CADM2: variants seen among roughly 807,000 people sequenced by gnomAD.
CADM2 encodes the protein immunoglobulin superfamily member 4D.
Under a neutral mutation model 49.8 loss-of-function variants are expected in CADM2, and 12 were observed. The observed-to-expected ratio is 0.24, with a 90% confidence interval of 0.15 to 0.39. The LOEUF is 0.39. CADM2 is among the 10% of genes least tolerant of loss of function. The probability of loss-of-function intolerance (pLI) is 1.00; values close to 1 mark genes in which losing one functional copy is unlikely to be tolerated. For synonymous variants in CADM2, 214 were observed against 175.4 expected, an observed-to-expected ratio of 1.22 and a Z score of -1.74; for missense variants, 378 against 492.3, an observed-to-expected ratio of 0.77 and a Z score of 2.20.
intron 8 of CADM2, among the ~76,000 whole-genome samples, chr3:86,024,835 C>G (rs1221046668): frequency 6.6e-6 from 1 of 151,680 alleles, no homozygotes; most frequent in East Asian, 1.9e-4. Context: ...TATTAAGCTC[C>G]ACTAGGATCT....
At chr3:85,526,542 G>A (rs916564306) in intron 1 of CADM2, among the ~76,000 whole-genome samples, 1 of 152,104 alleles carries the variant, frequency 6.6e-6, no homozygotes, top group South Asian at 2.1e-4. Context: ...AGATGACCTG[G>A]ATTAAAATCC....
chr3:85,159,977 G>A (rs1006981152), intron 1 of CADM2, among the ~76,000 whole-genome samples: 1 of 151,764 alleles, frequency 6.6e-6, no homozygotes, highest in Non-Finnish European at 1.5e-5. Flanking sequence ...AGCAATATAA[G>A]TTTGTTTTTA....
intron 1 of CADM2, among the ~76,000 whole-genome samples, chr3:85,606,833 A>T (rs2063552421): frequency 6.6e-6 from 1 of 152,060 alleles, no homozygotes; most frequent in Non-Finnish European, 1.5e-5. Flanking sequence ...AATACTGTCA[A>T]TTTGAGCTAC....
intron 8 of CADM2, among the ~76,000 whole-genome samples, chr3:86,037,325 T>C (rs1578021308): frequency 6.6e-6 from 1 of 152,316 alleles, no homozygotes; most frequent in East Asian, 1.9e-4. Context: ...TTGGCAATAC[T>C]TATTACAGCC....
intron 1 of CADM2, among the ~76,000 whole-genome samples, chr3:85,641,999 C>T (rs1220185227): frequency 2.6e-5 from 4 of 152,042 alleles, no homozygotes; most frequent in Admixed American, 6.6e-5. Flanking sequence ...AGTTCTCAGG[C>T]TTTCCATCTC....
chr3:85,000,994 T>G (rs1288152693), intron 1 of CADM2, among the ~76,000 whole-genome samples: 2 of 152,136 alleles, frequency 1.3e-5, no homozygotes, highest in Non-Finnish European at 2.9e-5. Context: ...TCTCTTTACC[T>G]TCCACCTGTT....
At chr3:85,780,560 A>G (rs1020655143) in intron 2 of CADM2, among the ~76,000 whole-genome samples, 3 of 152,186 alleles carry the variant, frequency 2.0e-5, no homozygotes, top group African/African-American at 7.2e-5. Flanking sequence ...TACGCTTAGT[A>G]TCTTCATTTG....
Position 85,321,136 on chromosome 3 carries a change from T to A in CADM2, c.61+361468T>A, listed in dbSNP as rs1468138106. 6.1e-3 allele frequency among the ~76,000 whole-genome samples: 159 copies of A among 25,890 alleles called. 8 individuals are homozygous for A. The highest frequency in any genetic ancestry group is 8.3e-3 in the Non-Finnish European group (120 of 14,532). The allele number at this position is 25,890 out of a possible 152,430, so 17.0% of individuals were successfully genotyped here. A position where few individuals can be genotyped will look rare whatever the true frequency, so the allele number is the denominator to read the frequency against. On this transcript the variant is annotated intron_variant, in intron 1 of 9. Coordinates refer to ENST00000383699, the MANE Select transcript of CADM2 (RefSeq NM_001167675.2). ...TATATATTTTTTTTTTTTTTTTTTTTTTTTTTTTTTTTTTTTTTTTTTTTT... is the reference window on the plus strand; with the variant it reads ...TATATATTTTTTTTTTTTTTTTTTTATTTTTTTTTTTTTTTTTTTTTTTTT...
At chr3:85,615,750 G>T (rs2063786274) in intron 1 of CADM2, among the ~76,000 whole-genome samples, 1 of 151,662 alleles carries the variant, frequency 6.6e-6, no homozygotes, top group African/African-American at 2.4e-5. Context: ...ACATGATGCT[G>T]CCCTATAGAT....
Position 85,382,099 on chromosome 3 carries a change from G to T in CADM2, c.62-344423G>T, listed in dbSNP as rs532600472. On this transcript the variant is annotated intron_variant, in intron 1 of 9. Coordinates refer to ENST00000383699, the MANE Select transcript of CADM2 (RefSeq NM_001167675.2). Reference sequence around the variant, plus strand: ...ACTATCAAATAATTATTGTATAATTGTACACATCCTTGGAGACTTACTGCA... The same window carrying T: ...ACTATCAAATAATTATTGTATAATTTTACACATCCTTGGAGACTTACTGCA... 1.1e-4 allele frequency among the ~76,000 whole-genome samples: 17 copies of T among 151,912 alleles called. No individual in the cohort carries two copies. The South Asian group carries it at 3.3e-3, about 30-fold the overall frequency.
At chr3:85,157,412 A>G (rs2040164699) in intron 1 of CADM2, among the ~76,000 whole-genome samples, 1 of 152,102 alleles carries the variant, frequency 6.6e-6, no homozygotes, top group Admixed American at 6.6e-5. Context: ...ACAAAGCTGG[A>G]GGCATCACAC....
intron 6 of CADM2, among the ~76,000 whole-genome samples, chr3:85,931,170 C>T (rs773798839): frequency 1.1e-4 from 16 of 151,496 alleles, no homozygotes; most frequent in South Asian, 2.1e-4. Flanking sequence ...GCCAGGAGTT[C>T]GAGACCAGCC....
intron 1 of CADM2, among the ~76,000 whole-genome samples, chr3:85,259,887 C>T (rs1243508424): frequency 6.6e-6 from 1 of 152,016 alleles, no homozygotes; most frequent in East Asian, 1.9e-4. Context: ...GAACTTGGCT[C>T]ATTCCAAAAT....
At chr3:85,707,253 T>C (rs1221127382) in intron 1 of CADM2, among the ~76,000 whole-genome samples, 1 of 152,082 alleles carries the variant, frequency 6.6e-6, no homozygotes, top group Non-Finnish European at 1.5e-5. Flanking sequence ...TTTGTGGAAT[T>C]GCTACTTCTC....
chr3:86,050,737 T>C (rs1320508818), intron 8 of CADM2, among the ~76,000 whole-genome samples: 1 of 152,250 alleles, frequency 6.6e-6, no homozygotes, highest in East Asian at 1.9e-4. Flanking sequence ...ACCCAAGTTA[T>C]AGCTGGTCCC....
At chr3:85,620,183 A>G (rs1310827333) in intron 1 of CADM2, among the ~76,000 whole-genome samples, 1 of 152,146 alleles carries the variant, frequency 6.6e-6, no homozygotes. Flanking sequence ...ATGAGATGAT[A>G]TTAGAATGAA....
chr3:85,814,136 A>C (rs1397605263), intron 3 of CADM2, among the ~76,000 whole-genome samples: 1 of 152,070 alleles, frequency 6.6e-6, no homozygotes, highest in Non-Finnish European at 1.5e-5. Context: ...TTTGGGCATT[A>C]TGGCCATTTT....
intron 5 of CADM2, among the ~76,000 whole-genome samples, chr3:85,893,197 A>C (rs1714705827): frequency 6.6e-6 from 1 of 152,090 alleles, no homozygotes; most frequent in South Asian, 2.1e-4. Flanking sequence ...AGTAGGGGAA[A>C]TTTGCAGCCT....
chr3:85,677,810 C>T (rs1378210179), intron 1 of CADM2, among the ~76,000 whole-genome samples: 1 of 152,136 alleles, frequency 6.6e-6, no homozygotes, highest in Non-Finnish European at 1.5e-5. Flanking sequence ...GTGCTCTTCT[C>T]ATCACTAGAG....
Sources: allele counts gnomAD v4.1 joint callset (sites outside exome capture counted in the v4.1 genomes callset), GRCh38; gene constraint gnomAD v4.1.1; transcripts MANE v1.5; gene names NCBI Gene and HGNC (gene_info 2026-07-23, HGNC 2026-07-21).